Variants in CADM2 observed in about 807,000 individuals in gnomAD.
The protein encoded by CADM2 is cell adhesion molecule 2, also known as immunoglobulin superfamily member 4D.
CADM2 carries 12 observed loss-of-function variants against 49.8 expected under a neutral mutation model. The ratio of observed to expected loss-of-function variants is 0.24; its 90% CI spans 0.15 to 0.39. The LOEUF is 0.39. Ranked by LOEUF, CADM2 falls within the 10% of genes least tolerant of loss-of-function variation. CADM2 has a pLI of 1.00. For missense variants in CADM2, 378 were observed against 492.3 expected, an observed-to-expected ratio of 0.77 and a Z score of 2.20; for synonymous variants, 214 against 175.4, an observed-to-expected ratio of 1.22 and a Z score of -1.74.
intron 1 of CADM2, among the ~76,000 whole-genome samples, chr3:85,181,986 A>T (rs987080341): frequency 6.7e-6 from 1 of 149,722 alleles, no homozygotes; most frequent in Non-Finnish European, 1.5e-5. Flanking sequence ...AATATTTTAT[A>T]TATTAAATCA....
chr3:85,481,897 G>A (rs1023784231), intron 1 of CADM2, among the ~76,000 whole-genome samples: 5 of 150,184 alleles, frequency 3.3e-5, no homozygotes, highest in Non-Finnish European at 5.9e-5. Flanking sequence ...TTTATGAGTC[G>A]GGAAGAAAGT....
intron 3 of CADM2, among the ~76,000 whole-genome samples, chr3:85,872,584 T>C (rs2075971762): frequency 6.6e-6 from 1 of 151,678 alleles, no homozygotes; most frequent in South Asian, 2.1e-4. Context: ...TCAATAATTT[T>C]AATTTTGCAT....
intron 1 of CADM2, among the ~76,000 whole-genome samples, chr3:85,356,321 A>T (rs949909591): frequency 3.9e-5 from 6 of 152,208 alleles, no homozygotes; most frequent in African/African-American, 1.4e-4. Context: ...TAAAGAAAAA[A>T]ATACTAGGGA....
At chr3:85,347,627 AT>A (rs1348870420) in intron 1 of CADM2, among the ~76,000 whole-genome samples, 9 of 49,924 alleles carry the variant, frequency 1.8e-4, no homozygotes, top group East Asian at 5.6e-3. Context: ...ATACATATAT[AT>A]AAATATATAT....
At chr3:85,194,989 C>T (rs967127682) in intron 1 of CADM2, among the ~76,000 whole-genome samples, 10 of 152,110 alleles carry the variant, frequency 6.6e-5, no homozygotes, top group Middle Eastern at 6.8e-3. Flanking sequence ...ACTACAGGTG[C>T]ATGCTATTGT....
intron 5 of CADM2, among the ~76,000 whole-genome samples, chr3:85,904,992 T>G (rs770500361): frequency 6.6e-6 from 1 of 152,178 alleles, no homozygotes; most frequent in Admixed American, 6.5e-5. Context: ...TTCCCCCTTT[T>G]TTTGTAAAAT....
intron 2 of CADM2, among the ~76,000 whole-genome samples, chr3:85,758,160 C>T (rs1012672216): frequency 2.0e-5 from 3 of 152,022 alleles, no homozygotes; most frequent in African/African-American, 7.2e-5. Context: ...AAATTAGCAC[C>T]AGGTTGGTAC....
At chr3:85,634,197 A>G (rs944805749) in intron 1 of CADM2, among the ~76,000 whole-genome samples, 5 of 151,990 alleles carry the variant, frequency 3.3e-5, no homozygotes, top group African/African-American at 9.7e-5. Flanking sequence ...AGCTATTTTC[A>G]ATGAGGTATT....
intron 1 of CADM2, among the ~76,000 whole-genome samples, chr3:84,988,477 A>G (rs2032709928): frequency 6.6e-6 from 1 of 152,216 alleles, no homozygotes; most frequent in Non-Finnish European, 1.5e-5. Context: ...GAAACCTAGC[A>G]GATAGCAAAA....
chr3:85,863,070 G>A (rs974670834), intron 3 of CADM2, among the ~76,000 whole-genome samples: 4 of 152,108 alleles, frequency 2.6e-5, no homozygotes, highest in African/African-American at 4.8e-5. Context: ...ATGGGTAATG[G>A]GTTGAGAAAT....
chr3:85,634,786 C>A (rs2064410830), intron 1 of CADM2, among the ~76,000 whole-genome samples: 1 of 152,034 alleles, frequency 6.6e-6, no homozygotes, highest in African/African-American at 2.4e-5. Flanking sequence ...TGCTGACTTT[C>A]TGATAAGACA....
intron 1 of CADM2, among the ~76,000 whole-genome samples, chr3:85,076,727 T>C (rs907487022): frequency 6.6e-6 from 1 of 152,082 alleles, no homozygotes; most frequent in Non-Finnish European, 1.5e-5. Flanking sequence ...ATTCCAGCAC[T>C]TTGAGAGGTC....
intron 1 of CADM2, among the ~76,000 whole-genome samples, chr3:85,710,832 A>G (rs1176711466): frequency 1.3e-5 from 2 of 152,096 alleles, no homozygotes; most frequent in Non-Finnish European, 2.9e-5. Context: ...CTGCCCTTCT[A>G]TTTAGAGTGC....
chr3:85,583,224 T>G (rs1290390417), intron 1 of CADM2, among the ~76,000 whole-genome samples: 1 of 152,128 alleles, frequency 6.6e-6, no homozygotes, highest in African/African-American at 2.4e-5. Context: ...GCTTTGTAAA[T>G]TTGGGTCTCT....
At chr3:85,083,431 C>G (rs2037248430) in intron 1 of CADM2, among the ~76,000 whole-genome samples, 1 of 152,088 alleles carries the variant, frequency 6.6e-6, no homozygotes, top group Non-Finnish European at 1.5e-5. Context: ...CATCTTTCAC[C>G]TAAACTTTGG....
At chr3:85,179,151 A>C (rs575375820) in intron 1 of CADM2, among the ~76,000 whole-genome samples, 1 of 152,086 alleles carries the variant, frequency 6.6e-6, no homozygotes, top group East Asian at 1.9e-4. Context: ...TATATTGCTA[A>C]GGTGTTTGAA....
At chr3:85,574,464 C>T (rs2062573301) in intron 1 of CADM2, among the ~76,000 whole-genome samples, 1 of 152,084 alleles carries the variant, frequency 6.6e-6, no homozygotes, top group African/African-American at 2.4e-5. Context: ...CTACAGTGTT[C>T]CAATTCTGTA....
chr3:85,228,389 G>C lies in CADM2; in HGVS notation c.61+268721G>C, dbSNP rs142585512. Among the ~76,000 whole-genome samples, 707 of 151,638 alleles carry C rather than the reference G, an allele frequency of 4.7e-3. 9 individuals are homozygous for C. Among genetic ancestry groups the C allele is most frequent in the African/African-American group, 0.016 (654 of 41,364 alleles). Reference sequence around the variant, plus strand: ...TTCATTAAGTTAATCTTCAGTCACTGATAACCCTTCTTCTGCTTGATTGAT... The same window carrying C: ...TTCATTAAGTTAATCTTCAGTCACTCATAACCCTTCTTCTGCTTGATTGAT... On this transcript the variant is annotated intron_variant, in intron 1 of 9. Transcript: ENST00000383699.
At chr3:85,414,297 A>G (rs1338315448) in intron 1 of CADM2, among the ~76,000 whole-genome samples, 5 of 152,234 alleles carry the variant, frequency 3.3e-5, no homozygotes, top group Non-Finnish European at 7.3e-5. Context: ...GACTCCGAAA[A>G]GAGACAATAA....
Sources: allele counts gnomAD v4.1 joint callset (sites outside exome capture counted in the v4.1 genomes callset), GRCh38; gene constraint gnomAD v4.1.1; transcripts MANE v1.5; gene names NCBI Gene and HGNC (gene_info 2026-07-23, HGNC 2026-07-21).